Variants in COLEC11 observed in about 807,000 individuals in gnomAD.
COLEC11 encodes the protein collectin subfamily member 11.
In COLEC11, 20 loss-of-function variants were observed where a neutral mutation model predicts 27.3. That is an observed-to-expected ratio of 0.73 (90% CI 0.51 to 1.06). The LOEUF is 1.06. COLEC11 is among the 50% of genes least tolerant of loss of function. The pLI, the probability that COLEC11 is intolerant of heterozygous loss-of-function variation, is 0.00. For missense variants in COLEC11, 310 were observed against 383.0 expected, an observed-to-expected ratio of 0.81 and a Z score of 1.59; for synonymous variants, 163 against 154.7, an observed-to-expected ratio of 1.05 and a Z score of -0.40.
At chr2:3,603,484 T>A in intron 1 of COLEC11, 2 of 645,062 alleles carry the variant, frequency 3.1e-6, no homozygotes, top group Admixed American at 2.2e-5. Context: ...ACCCAGCTAA[T>A]TTTTGTATTT....
In COLEC11 at chr2:3,643,979, A is replaced by T; in HGVS notation, c.677A>T (p.Asn226Ile). 1 of 1,614,168 alleles carries T rather than the reference A, an allele frequency of 6.2e-7. No homozygotes were observed. Among genetic ancestry groups the T allele is most frequent in the South Asian group, 1.1e-5 (1 of 91,084 alleles). Residue 226 changes from asparagine to isoleucine, a missense_variant, in exon 7 of 7, where the codon AAC becomes ATC. Transcript: ENST00000349077. The stretch of plus-strand genomic sequence containing the variant: ...GACCACTCCCCCATGCGGACCTTCA[A>T]CAAGTGGCGCAGCGGTGAGCCCAAC... ...YSDHSPMRTFNKWRSGEPNNA... is the reference protein window; with the variant it reads ...YSDHSPMRTFIKWRSGEPNNA...
intron 3 of COLEC11, among the ~76,000 whole-genome samples, chr2:3,629,459 T>C (rs1664808525): frequency 6.6e-6 from 1 of 152,162 alleles, no homozygotes; most frequent in Non-Finnish European, 1.5e-5. Context: ...TTGAGCTGTG[T>C]GAGGATAAAA....
chr2:3,610,788 T>G (rs1208182658), intron 2 of COLEC11, among the ~76,000 whole-genome samples: 1 of 152,216 alleles, frequency 6.6e-6, no homozygotes, highest in African/African-American at 2.4e-5. Flanking sequence ...GAGGGGCTTT[T>G]CGGATCTTGC....
chr2:3,624,936 G>A (rs761020080), intron 3 of COLEC11, among the ~76,000 whole-genome samples: 20 of 152,176 alleles, frequency 1.3e-4, no homozygotes, highest in African/African-American at 4.6e-4. Flanking sequence ...GCCATCCTGC[G>A]AGTAAGTGGT....
intron 1 of COLEC11, among the ~76,000 whole-genome samples, chr2:3,597,912 T>G (rs1661967283): frequency 6.6e-6 from 1 of 152,112 alleles, no homozygotes; most frequent in African/African-American, 2.4e-5. Flanking sequence ...ATTATTTTTG[T>G]ATTTTTTATT....
At chr2:3,611,556 A>G (rs1663197001) in intron 2 of COLEC11, among the ~76,000 whole-genome samples, 1 of 152,224 alleles carries the variant, frequency 6.6e-6, no homozygotes, top group Non-Finnish European at 1.5e-5. Context: ...TAAACTGTCA[A>G]TACTTCTCTT....
At chr2:3,638,521 A>C (rs1208907600) in intron 4 of COLEC11, among the ~76,000 whole-genome samples, 2 of 152,154 alleles carry the variant, frequency 1.3e-5, no homozygotes, top group Non-Finnish European at 1.5e-5. Flanking sequence ...GCCTCGGAGC[A>C]GGTTGGCCCA....
intron 2 of COLEC11, among the ~76,000 whole-genome samples, chr2:3,609,029 C>T (rs971777375): frequency 2.0e-5 from 3 of 152,264 alleles, no homozygotes; most frequent in African/African-American, 7.2e-5. Context: ...GTTCCCCACA[C>T]TGCAGGCACA....
rs778329349 is a variant in COLEC11, at chr2:3,637,569, G to C, written c.239G>C (p.Gly80Ala). The change falls in exon 4 of 7, where the codon GGT (glycine) becomes GCT (alanine). Residue 80 changes from glycine (G) to alanine (A), a missense_variant. Physicochemically the swap from Gly to Ala is moderately conservative, Grantham distance 60. Coordinates refer to ENST00000349077, the MANE Select transcript of COLEC11 (RefSeq NM_024027.5). Reference protein sequence around the residue: ...MGDKGQKGSVGRHGKIGPIGS... With the variant: ...MGDKGQKGSVARHGKIGPIGS... ...GACAAAGGACAGAAAGGCAGTGTGG[G>C]TCGTCATGGAAAAATTGGTCCCATT... The C allele has an allele frequency of 6.2e-7, 1 of 1,614,048 alleles. No individual in the cohort carries two copies. Among genetic ancestry groups the C allele is most frequent in the Admixed American group, 1.7e-5 (1 of 60,002 alleles).
intron 3 of COLEC11, among the ~76,000 whole-genome samples, chr2:3,616,043 G>A (rs867926472): frequency 4.0e-5 from 6 of 151,224 alleles, no homozygotes; most frequent in African/African-American, 7.3e-5. Flanking sequence ...CCTCTGAGGC[G>A]GGGCGGCCGG....
chr2:3,596,662 G>T (rs1332867572), intron 1 of COLEC11, among the ~76,000 whole-genome samples: 9 of 152,162 alleles, frequency 5.9e-5, no homozygotes, highest in Non-Finnish European at 1.2e-4. Context: ...TTCATAACAT[G>T]TATTTCCTCT....
At chr2:3,607,448 G>GTTTTTTTTT (rs1558490430) in intron 2 of COLEC11, among the ~76,000 whole-genome samples, 5 of 65,212 alleles carry the variant, frequency 7.7e-5, no homozygotes, top group South Asian at 1.9e-3. Context: ...TTTTTTTTTT[G>GTTTTTTTTT]CTTTTTTTTT....
chr2:3,644,286 G>C lies in COLEC11; in HGVS notation c.*168G>C, dbSNP rs1558525086. 1.2e-6 allele frequency: 1 copy of C among 833,700 alleles called. No individual in the cohort carries two copies. The allele number at this position is 833,700 out of a possible 1,614,324, so 51.6% of individuals were successfully genotyped here. ...TGAGAAAATGGCCTATGCTTAAGAGGAAAATGAAAGTGTTCCTGGGGTGCT... is the reference window on the plus strand; with the variant it reads ...TGAGAAAATGGCCTATGCTTAAGAGCAAAATGAAAGTGTTCCTGGGGTGCT... On this transcript the variant is annotated 3_prime_UTR_variant, in exon 7 of 7. Coordinates refer to ENST00000349077, the MANE Select transcript of COLEC11 (RefSeq NM_024027.5).
intron 1 of COLEC11, among the ~76,000 whole-genome samples, chr2:3,595,778 T>C (rs933631665): frequency 6.6e-6 from 1 of 152,316 alleles, no homozygotes; most frequent in East Asian, 1.9e-4. Context: ...GGCCGCTGCC[T>C]CCTACCTGGA....
chr2:3,638,130 T>G (rs1289212365), intron 4 of COLEC11, among the ~76,000 whole-genome samples: 1 of 152,206 alleles, frequency 6.6e-6, no homozygotes, highest in Admixed American at 6.5e-5. Flanking sequence ...TTGCACCGTC[T>G]CCGCTGCTGC....
At chr2:3,615,180 C>G (rs1487553299) in intron 3 of COLEC11, among the ~76,000 whole-genome samples, 1 of 151,164 alleles carries the variant, frequency 6.6e-6, no homozygotes, top group African/African-American at 2.4e-5. Flanking sequence ...TTGGGTATTT[C>G]TCGCAGAGGG....
intron 2 of COLEC11, among the ~76,000 whole-genome samples, chr2:3,609,569 G>A (rs1663032051): frequency 1.3e-5 from 2 of 150,400 alleles, no homozygotes; most frequent in Admixed American, 1.3e-4. Flanking sequence ...CGCTCTTGTT[G>A]CCCAGGCTGC....
chr2:3,618,209 CTTAT>C (rs1464835845), intron 3 of COLEC11, among the ~76,000 whole-genome samples: 2 of 152,150 alleles, frequency 1.3e-5, no homozygotes, highest in Admixed American at 6.5e-5. Context: ...GTTAGTACCA[CTTAT>C]TTATTTTTGC....
At chr2:3,639,505 C>G (rs543361856) in intron 4 of COLEC11, among the ~76,000 whole-genome samples, 1 of 152,342 alleles carries the variant, frequency 6.6e-6, no homozygotes, top group South Asian at 2.1e-4. Flanking sequence ...AAACTCCTTC[C>G]CTCCTTATGC....
Sources: allele counts gnomAD v4.1 joint callset (sites outside exome capture counted in the v4.1 genomes callset), GRCh38; gene constraint gnomAD v4.1.1; transcripts MANE v1.5; gene names NCBI Gene and HGNC (gene_info 2026-07-23, HGNC 2026-07-21).